NUBPL: variants seen among roughly 807,000 people sequenced by gnomAD.
The protein encoded by NUBPL is iron-sulfur cluster transfer protein NUBPL.
Under a neutral mutation model 45.7 loss-of-function variants are expected in NUBPL, and 31 were observed. That is an observed-to-expected ratio of 0.68 (90% confidence interval 0.51 to 0.92). NUBPL has a LOEUF of 0.92. Among genes scored for constraint, NUBPL ranks in the 40% least tolerant of loss-of-function variants. The pLI is 0.00. For synonymous variants in NUBPL, 144 were observed against 140.9 expected (o/e 1.02, Z -0.15); for missense variants, 401 against 398.7 (o/e 1.01, Z -0.05).
intron 4 of NUBPL, among the ~76,000 whole-genome samples, chr14:31,632,569 A>C (rs1360049951): frequency 2.6e-5 from 4 of 152,182 alleles, no homozygotes; most frequent in Non-Finnish European, 5.9e-5. Context: ...AAGATACACA[A>C]AGTTTGAAAT....
At chr14:31,604,359 A>G (rs764326241) in intron 4 of NUBPL, among the ~76,000 whole-genome samples, 1 of 152,184 alleles carries the variant, frequency 6.6e-6, no homozygotes, top group African/African-American at 2.4e-5. Context: ...TCATTCTGAC[A>G]TTTCTACATT....
intron 6 of NUBPL, among the ~76,000 whole-genome samples, chr14:31,699,514 C>T (rs2037286857): frequency 6.6e-6 from 1 of 152,142 alleles, no homozygotes; most frequent in Admixed American, 6.5e-5. Flanking sequence ...TGGGCAGGGT[C>T]CTACTTGTAA....
intron 3 of NUBPL, among the ~76,000 whole-genome samples, chr14:31,576,282 G>T (rs1208597001): frequency 6.6e-6 from 1 of 152,132 alleles, no homozygotes; most frequent in Non-Finnish European, 1.5e-5. Flanking sequence ...TATTTTTAGA[G>T]ACAGTATCTT....
chr14:31,809,684 C>T (rs1308330074), intron 7 of NUBPL, among the ~76,000 whole-genome samples: 2 of 152,092 alleles, frequency 1.3e-5, no homozygotes, highest in Non-Finnish European at 2.9e-5. Flanking sequence ...GCTCTTGCTT[C>T]TCTAGTTCTT....
chr14:31,790,279 G>A (rs2039356004), intron 7 of NUBPL, among the ~76,000 whole-genome samples: 1 of 152,152 alleles, frequency 6.6e-6, no homozygotes, highest in Non-Finnish European at 1.5e-5. Context: ...CACCAGCATT[G>A]CATATAGATA....
chr14:31,698,710 A>G (rs996049987), intron 6 of NUBPL, among the ~76,000 whole-genome samples: 1 of 152,102 alleles, frequency 6.6e-6, no homozygotes, highest in Non-Finnish European at 1.5e-5. Context: ...AGCCAGTGCT[A>G]TGTGATCATT....
chr14:31,782,534 T>C lies in NUBPL; in HGVS notation c.514-5246T>C, dbSNP rs552842889. Among the ~76,000 whole-genome samples the C allele has an allele frequency of 2.4e-4, 36 of 152,342 alleles. 1 individual carries two copies. In the South Asian group the frequency reaches 6.0e-3, roughly 25 times the overall value. ...TGCTGGGTGTGGTGGCTTACACCTG[T>C]AATCCCAGCACTTTGGGAGGCCAAG... On this transcript the variant is annotated intron_variant, in intron 6 of 10. Coordinates refer to ENST00000281081, the MANE Select transcript of NUBPL (RefSeq NM_025152.3).
At chr14:31,659,141 T>C (rs1320265434) in intron 4 of NUBPL, among the ~76,000 whole-genome samples, 1 of 152,182 alleles carries the variant, frequency 6.6e-6, no homozygotes, top group African/African-American at 2.4e-5. Flanking sequence ...CATAAGGCTG[T>C]TGTAAGGATT....
intron 3 of NUBPL, among the ~76,000 whole-genome samples, chr14:31,566,533 C>T (rs1017234364): frequency 2.0e-5 from 3 of 151,480 alleles, no homozygotes; most frequent in African/African-American, 7.3e-5. Flanking sequence ...TTCTTGAATT[C>T]TTTTTTTTGT....
intron 6 of NUBPL, among the ~76,000 whole-genome samples, chr14:31,742,832 C>G (rs764643204): frequency 1.3e-5 from 2 of 150,690 alleles, no homozygotes; most frequent in African/African-American, 4.9e-5. Context: ...CTGTTGAACT[C>G]CTGACCTCAA....
intron 7 of NUBPL, among the ~76,000 whole-genome samples, chr14:31,802,489 G>A (rs1221860275): frequency 3.3e-5 from 5 of 152,078 alleles, no homozygotes; most frequent in Admixed American, 3.3e-4. Flanking sequence ...TGTTGGCCAG[G>A]ATGGTCTTGA....
intron 6 of NUBPL, among the ~76,000 whole-genome samples, chr14:31,699,882 TA>T (rs2037294279): frequency 1.3e-5 from 2 of 152,232 alleles, no homozygotes; most frequent in African/African-American, 2.4e-5. Context: ...TGCAGTAATA[TA>T]ATTCATTTAT....
chr14:31,787,578 C>G (rs1358527504), intron 6 of NUBPL, among the ~76,000 whole-genome samples: 1 of 152,130 alleles, frequency 6.6e-6, no homozygotes, highest in Non-Finnish European at 1.5e-5. Context: ...TTTAAACTTG[C>G]CATTCAAAGA....
At chr14:31,855,457 G>T (rs2040601224) in intron 10 of NUBPL, among the ~76,000 whole-genome samples, 1 of 152,140 alleles carries the variant, frequency 6.6e-6, no homozygotes, top group South Asian at 2.1e-4. Context: ...AGGTTTGAAG[G>T]TTTTCCAGCC....
At chr14:31,813,262 C>T (rs1191914690) in intron 7 of NUBPL, among the ~76,000 whole-genome samples, 1 of 152,032 alleles carries the variant, frequency 6.6e-6, no homozygotes, top group Non-Finnish European at 1.5e-5. Flanking sequence ...GCTGGGATTA[C>T]AAGCGTGAGC....
At position 31,670,241 on chromosome 14, in the gene NUBPL, TC is replaced by T. The variant is rs577248412; in HGVS notation, c.383-3113del. On this transcript the variant is annotated intron_variant, in intron 4 of 10. Transcript: ENST00000281081. ...TTTCTCTCATGATCAGTGATATTGA[TC>T]TTTTTTTCATATGTGTTTTGGCTGC... is the stretch of plus-strand genomic sequence containing the variant. Among the ~76,000 whole-genome samples the T allele has an allele frequency of 2.0e-3, 305 of 152,286 alleles. 1 individual carries two copies. The highest frequency in any genetic ancestry group is 6.8e-3 in the African/African-American group (281 of 41,560).
At chr14:31,697,184 C>T (rs940639178) in intron 6 of NUBPL, among the ~76,000 whole-genome samples, 1 of 152,170 alleles carries the variant, frequency 6.6e-6, no homozygotes. Context: ...CTAACTGTAG[C>T]TCTGACAAAA....
At chr14:31,593,509 G>A (rs1180507134) in intron 3 of NUBPL, among the ~76,000 whole-genome samples, 3 of 64,080 alleles carry the variant, frequency 4.7e-5, no homozygotes, top group Admixed American at 6.1e-4. Flanking sequence ...GCGAGCTTCC[G>A]TCTCAAAAAA....
intron 6 of NUBPL, among the ~76,000 whole-genome samples, chr14:31,682,631 A>G (rs1295958999): frequency 3.3e-5 from 5 of 151,996 alleles, no homozygotes. Context: ...CTTGAATTCC[A>G]TTTAAATTCT....
Sources: gnomAD v4.1 joint callset for allele counts (sites outside exome capture counted in the v4.1 genomes callset) on GRCh38, gnomAD v4.1.1 for gene constraint, MANE v1.5 for transcripts, NCBI Gene and HGNC (gene_info 2026-07-23, HGNC 2026-07-21) for gene names.